GPR155: variants seen among roughly 807,000 people sequenced by gnomAD.
The protein encoded by GPR155 is G protein-coupled receptor 155.
GPR155 carries 65 observed loss-of-function variants against 93.1 expected under a neutral mutation model. The ratio of observed to expected loss-of-function variants is 0.70; its 90% CI spans 0.57 to 0.86. GPR155 has a LOEUF of 0.86. Ranked by LOEUF, GPR155 falls within the 40% of genes least tolerant of loss-of-function variation. The pLI, the probability that GPR155 is intolerant of heterozygous loss-of-function variation, is 0.00. For synonymous variants in GPR155, 319 were observed against 360.1 expected (o/e 0.89, Z 1.29); for missense variants, 838 against 1,034.8 (o/e 0.81, Z 2.61).
At position 174,445,185 on chromosome 2, in the gene GPR155, A is replaced by G; in HGVS notation, c.2014-9T>C. 7.3e-7 allele frequency: 1 copy of G among 1,369,750 alleles called. No homozygotes were observed. The highest frequency in any genetic ancestry group is 1.2e-5 in the South Asian group (1 of 85,820). The allele number at this position is 1,369,750 out of a possible 1,614,324, so 84.8% of individuals were successfully genotyped here. On this transcript the variant is annotated splice_polypyrimidine_tract_variant and intron_variant, in intron 12 of 15. Transcript: ENST00000392552. ...AAACAACTGGAAAGATTCTGTAAAG[A>G]AAGGAGAAAAGAGTATTTTAAAATC...
At position 174,461,472 on chromosome 2, in the gene GPR155, C is replaced by G; in HGVS notation, c.1490G>C (p.Gly497Ala). Residue 497 changes from glycine (G) to alanine (A), a missense_variant, in exon 9 of 16, where the codon GGT becomes GCT. This residue lies in a region of GPR155 where 663 missense variants were observed against 790.1 expected (regional missense o/e 0.84). Transcript: ENST00000392552. ...SGWGIPALLV[G>A]VLLITGKHNG... ...GTGTTTTCCAGTTATCAAAAGAACA[C>G]CAACAAGGAGAGCAGGAATTCTGTA... 6.2e-7 allele frequency: 1 copy of G among 1,612,794 alleles called. No individual in the cohort carries two copies. The highest frequency in any genetic ancestry group is 1.7e-4 in the Middle Eastern group (1 of 6,056).
chr2:174,481,667 T>C lies in GPR155; in HGVS notation c.290A>G (p.Asn97Ser), dbSNP rs376481034. The change falls in exon 2 of 16, where the codon AAT (asparagine) becomes AGT (serine). Residue 97 changes from asparagine (N) to serine (S), a missense_variant. Asn to Ser is a conservative substitution (Grantham distance 46). This residue lies in a region of GPR155 where 663 missense variants were observed against 790.1 expected (regional missense o/e 0.84). Transcript: ENST00000392552. ...ACTATATAGGAAGGACCAGTCCACA[T>C]TGGAAAAATTAAGTACAACCATGTT... Reference protein sequence around the residue: ...FKNMVVLNFSNVDWSFLYSIL... With the variant: ...FKNMVVLNFSSVDWSFLYSIL... 5.2e-5 allele frequency: 84 copies of C among 1,613,942 alleles called. No individual in the cohort carries two copies. Among genetic ancestry groups the C allele is most frequent in the Non-Finnish European group, 6.8e-5 (80 of 1,179,952 alleles).
At chr2:174,445,290 A>G (rs1356085278) in intron 12 of GPR155, 114 bp from the exon 13 acceptor site, 1 of 621,034 alleles carries the variant, frequency 1.6e-6, no homozygotes, top group African/African-American at 1.8e-5. Context: ...AAAAGACTAG[A>G]CGGAAAAACA....
Position 174,465,787 on chromosome 2 carries a change from G to A in GPR155, c.1382C>T (p.Thr461Ile), listed in dbSNP as rs1418383205. ...YSSLYSTYLWTGLLAISLFLL... is the reference protein window; with the variant it reads ...YSSLYSTYLWIGLLAISLFLL... ...TTTCCATTCATAATCCAACTCACCT[G>A]TCCACAGGTAGGTGCTATAGAGGGA... The change falls in exon 7 of 16, where the codon ACA becomes ATA. Residue 461 changes from threonine to isoleucine, a missense_variant and splice_region_variant. Transcript: ENST00000392552. 1 of 1,467,976 alleles carries A rather than the reference G, an allele frequency of 6.8e-7. No individual in the cohort carries two copies. Among genetic ancestry groups the A allele is most frequent in the East Asian group, 2.3e-5 (1 of 44,220 alleles). 90.9% of individuals were successfully genotyped at this position (1,467,976 alleles called of 1,614,324 possible).
chr2:174,459,266 T>C (rs1687610159), intron 10 of GPR155, among the ~76,000 whole-genome samples: 1 of 152,168 alleles, frequency 6.6e-6, no homozygotes, highest in Non-Finnish European at 1.5e-5. Context: ...CCTGATACAA[T>C]ATTGTTAAAT....
At chr2:174,442,619 G>A (rs1401883596) in intron 13 of GPR155, among the ~76,000 whole-genome samples, 3 of 152,186 alleles carry the variant, frequency 2.0e-5, no homozygotes, top group Non-Finnish European at 4.4e-5. Flanking sequence ...AAGTGAAACT[G>A]GCTAGTGGTT....
At position 174,466,642 on chromosome 2, in the gene GPR155, G is replaced by T. The variant is rs768288240; in HGVS notation, c.1183-15C>A. On this transcript the variant is annotated splice_polypyrimidine_tract_variant and intron_variant, in intron 5 of 15. Transcript: ENST00000392552. ...AGAGACCAGATCTTGAAGACAAAAGGTTCAAAAGTTATTCATGTTTCTTAA... is the reference window on the plus strand; with the variant it reads ...AGAGACCAGATCTTGAAGACAAAAGTTTCAAAAGTTATTCATGTTTCTTAA... 4.4e-6 allele frequency: 6 copies of T among 1,362,986 alleles called. No homozygotes were observed. Among genetic ancestry groups the T allele is most frequent in the South Asian group, 1.2e-5 (1 of 81,438 alleles). 84.4% of individuals were successfully genotyped at this position (1,362,986 alleles called of 1,614,324 possible).
At chr2:174,468,861 C>A in intron 5 of GPR155, 51 bp downstream of exon 5, 1 of 1,508,086 alleles carries the variant, frequency 6.6e-7, no homozygotes, top group East Asian at 2.3e-5. Flanking sequence ...ACAGTCTATT[C>A]TCAAAACTCA....
intron 7 of GPR155, among the ~76,000 whole-genome samples, chr2:174,463,607 G>A (rs1260343188): frequency 6.6e-6 from 1 of 152,166 alleles, no homozygotes; most frequent in Non-Finnish European, 1.5e-5. Context: ...ATATCAGTGA[G>A]ATAACAAGGT....
intron 4 of GPR155, 107 bp from the exon 5 acceptor site, chr2:174,469,174 A>G: frequency 1.1e-6 from 1 of 872,176 alleles, no homozygotes; most frequent in Non-Finnish European, 1.8e-6. Context: ...AATGAGACAC[A>G]GTAAAGACAT....
At position 174,436,088 on chromosome 2, in the gene GPR155, T is replaced by A; in HGVS notation, c.*28A>T. 5.1e-6 allele frequency: 8 copies of A among 1,575,514 alleles called. No homozygotes were observed. The South Asian group carries it at 9.0e-5, about 18-fold the overall frequency. ...TAATGAATACGCGGCTAGAATATGA[T>A]TCCATGTAGGGTTCTCCCCTGCATA... On this transcript the variant is annotated 3_prime_UTR_variant, in exon 16 of 16. Coordinates refer to ENST00000392552, the MANE Select transcript of GPR155 (RefSeq NM_152529.7).
chr2:174,451,660 TTTTG>T (rs1358353205), intron 11 of GPR155, among the ~76,000 whole-genome samples: 3 of 152,084 alleles, frequency 2.0e-5, no homozygotes, highest in African/African-American at 7.2e-5. Context: ...ATGATCAACT[TTTTG>T]TTTGTTTATT....
At chr2:174,456,461 T>G (rs901031408) in intron 10 of GPR155, among the ~76,000 whole-genome samples, 2 of 151,994 alleles carry the variant, frequency 1.3e-5, no homozygotes, top group Admixed American at 6.6e-5. Context: ...CATGCTACCA[T>G]GCCTAGCTAA....
chr2:174,475,211 C>T (rs1256597358), intron 2 of GPR155, among the ~76,000 whole-genome samples: 1 of 133,336 alleles, frequency 7.5e-6, no homozygotes, highest in Non-Finnish European at 1.6e-5. Flanking sequence ...GGGAGAATGG[C>T]GTGAACCCGG....
intron 15 of GPR155, among the ~76,000 whole-genome samples, chr2:174,438,830 G>A (rs941335233): frequency 1.3e-5 from 2 of 152,244 alleles, no homozygotes; most frequent in East Asian, 1.9e-4. Context: ...TTAAATTGTC[G>A]AAACTATTCA....
At chr2:174,445,301 CTG>C in intron 12 of GPR155, 125 bp from the exon 13 acceptor site, 1 of 606,936 alleles carries the variant, frequency 1.6e-6, no homozygotes, top group Non-Finnish European at 2.9e-6. Flanking sequence ...CGGAAAAACA[CTG>C]AGAGAATATA....
intron 1 of GPR155, among the ~76,000 whole-genome samples, chr2:174,484,455 A>G (rs1488189151): frequency 6.6e-6 from 1 of 152,246 alleles, no homozygotes; most frequent in Non-Finnish European, 1.5e-5. Context: ...TCTGCTTATA[A>G]GCCCTTACTT....
intron 12 of GPR155, chr2:174,445,450 T>G (rs1179392251): frequency 4.0e-6 from 1 of 250,204 alleles, no homozygotes; most frequent in Non-Finnish European, 7.6e-6. Flanking sequence ...GTATCAAGAT[T>G]GCCAACTAGC....
At chr2:174,482,644 G>C (rs914587648) in intron 1 of GPR155, among the ~76,000 whole-genome samples, 1 of 152,136 alleles carries the variant, frequency 6.6e-6, no homozygotes, top group African/African-American at 2.4e-5. Flanking sequence ...TGTCTCCTGG[G>C]TTCAAGCGAT....
Sources: allele counts gnomAD v4.1 joint callset (sites outside exome capture counted in the v4.1 genomes callset), GRCh38; gene constraint gnomAD v4.1.1; regional missense constraint gnomAD v4.1.1; transcripts MANE v1.5; gene names NCBI Gene and HGNC (gene_info 2026-07-23, HGNC 2026-07-21).